BCL10: variants seen among roughly 807,000 people sequenced by gnomAD.
The protein encoded by BCL10 is BCL10 immune signaling adaptor, also known as B-cell lymphoma/leukemia 10.
Under a neutral mutation model 19.2 loss-of-function variants are expected in BCL10, and 5 were observed. The ratio of observed to expected loss-of-function variants is 0.26; its 90% confidence interval spans 0.14 to 0.55. The LOEUF (loss-of-function observed/expected upper bound fraction) is 0.55. BCL10 is among the 20% of genes least tolerant of loss of function. The pLI, the probability that BCL10 is intolerant of heterozygous loss-of-function variation, is 0.94. For synonymous variants in BCL10, 110 were observed against 98.8 expected (o/e 1.11, Z -0.67); for missense variants, 201 against 271.9 (o/e 0.74, Z 1.83).
chr1:85,267,950 C>G lies in BCL10; in HGVS notation c.379G>C (p.Asp127His). ...CTGGAGAGGTTGTTCGTGGCTCCAT[C>G]TGGAAAAGGTTCACAACTGCTACAT... Reference protein sequence around the residue: ...LKCSSCEPFPDGATNNLSRSN... With the variant: ...LKCSSCEPFPHGATNNLSRSN... The change falls in exon 3 of 3, where the codon GAT becomes CAT. Residue 127 changes from aspartate (D) to histidine (H), a missense_variant. Asp to His is a moderately conservative substitution (Grantham distance 81). Transcript: ENST00000648566. The G allele has an allele frequency of 6.3e-7, 1 of 1,596,160 alleles. No individual in the cohort carries two copies. Among genetic ancestry groups the G allele is most frequent in the Non-Finnish European group, 8.5e-7 (1 of 1,170,424 alleles).
chr1:85,268,107 T>A (rs1660255305), intron 2 of BCL10, 125 bp from the exon 3 acceptor site: 1 of 625,456 alleles, frequency 1.6e-6, no homozygotes, highest in Admixed American at 3.3e-5. Flanking sequence ...TAGCAACTTG[T>A]AATTTCCGTC....
At chr1:85,272,035 G>A (rs1387863139) in intron 1 of BCL10, among the ~76,000 whole-genome samples, 2 of 152,110 alleles carry the variant, frequency 1.3e-5, no homozygotes, top group African/African-American at 2.4e-5. Context: ...ATAAAACAAT[G>A]TGATCGGGCC....
In BCL10 at chr1:85,276,550, T is replaced by C. The variant is rs1660541310; in HGVS notation, c.-198A>G. 4.9e-6 allele frequency: 3 copies of C among 612,922 alleles called. No homozygotes were observed. The highest frequency in any genetic ancestry group is 3.7e-5 in the African/African-American group (2 of 53,902). 38.0% of individuals were successfully genotyped at this position (612,922 alleles called of 1,614,324 possible). On this transcript the variant is annotated 5_prime_UTR_variant, in exon 1 of 3. Transcript: ENST00000648566. Reference sequence around the variant, plus strand: ...AGCGCTTCCGGCCCCGCCTCTGAGGTCGACGGCGACGCGAATCTACGCGAC... The same window carrying C: ...AGCGCTTCCGGCCCCGCCTCTGAGGCCGACGGCGACGCGAATCTACGCGAC...
chr1:85,270,703 C>T lies in BCL10; in HGVS notation c.261G>A (p.Arg87=), dbSNP rs773109957. The T allele has an allele frequency of 1.9e-6, 3 of 1,613,598 alleles. No individual in the cohort carries two copies. The highest frequency in any genetic ancestry group is 2.2e-5 in the East Asian group (1 of 44,864). ...TCAGGAAGTTCTGTGTTTTTTCTCG[C>T]CGAATAGATTCAACAAGGGTGTCCA... ...KGLDTLVESI[R]REKTQNFLIQ... is the part of the protein sequence containing the mutation. Residue 87 remains arginine, a synonymous_variant, in exon 2 of 3, where the codon CGG becomes CGA. Transcript: ENST00000648566.
intron 1 of BCL10, among the ~76,000 whole-genome samples, chr1:85,273,344 T>C (rs547093961): frequency 2.0e-5 from 3 of 152,204 alleles, no homozygotes; most frequent in Non-Finnish European, 4.4e-5. Context: ...ACAAGAAAAT[T>C]GTTACATGAA....
In BCL10 at chr1:85,267,299, AC is replaced by A. The variant is rs1660227212; in HGVS notation, c.*327del. 1 of 248,686 alleles carries A rather than the reference AC, an allele frequency of 4.0e-6. No homozygotes were observed. Among genetic ancestry groups the A allele is most frequent in the East Asian group, 6.3e-5 (1 of 15,844 alleles). The allele number at this position is 248,686 out of a possible 1,614,324, so 15.4% of individuals were successfully genotyped here. A position where few individuals can be genotyped will look rare whatever the true frequency, so the allele number is the denominator to read the frequency against. On this transcript the variant is annotated 3_prime_UTR_variant, in exon 3 of 3. Coordinates refer to ENST00000648566, the MANE Select transcript of BCL10 (RefSeq NM_003921.5). ...CTAGCACAAATGCACTGAGGAAAAAACGTTCTTCCTAGTAAGGGTCTATTCT... is the reference window on the plus strand; with the variant it reads ...CTAGCACAAATGCACTGAGGAAAAAAGTTCTTCCTAGTAAGGGTCTATTCT...
At position 85,276,611 on chromosome 1, in the gene BCL10, C is replaced by T. The variant is rs965538840; in HGVS notation, c.-259G>A. The T allele has an allele frequency of 5.3e-6, 3 of 568,208 alleles. No homozygotes were observed. The highest frequency in any genetic ancestry group is 4.1e-5 in the South Asian group (2 of 49,246). The allele number at this position is 568,208 out of a possible 1,614,324, so 35.2% of individuals were successfully genotyped here. A position where few individuals can be genotyped will look rare whatever the true frequency, so the allele number is the denominator to read the frequency against. ...GCTCGGAGCAGCGTTCCTTCCCTCT[C>T]GTAGAGGCTCAGGCGCAGGCACCGC... On this transcript the variant is annotated 5_prime_UTR_variant, in exon 1 of 3. Coordinates refer to ENST00000648566, the MANE Select transcript of BCL10 (RefSeq NM_003921.5).
intron 1 of BCL10, among the ~76,000 whole-genome samples, chr1:85,272,059 T>C (rs1660381135): frequency 6.6e-6 from 1 of 152,020 alleles, no homozygotes. Context: ...AAAAAAAAGA[T>C]TATAGGTCAA....
chr1:85,266,262 T>G lies in BCL10; in HGVS notation c.*1365A>C, dbSNP rs531489192. 1.1e-4 allele frequency: 20 copies of G among 186,152 alleles called. No homozygotes were observed. The highest frequency in any genetic ancestry group is 3.7e-4 in the African/African-American group (16 of 42,850). 11.5% of individuals were successfully genotyped at this position (186,152 alleles called of 1,614,324 possible). On this transcript the variant is annotated 3_prime_UTR_variant, in exon 3 of 3. Transcript: ENST00000648566. ...ATAGCACTCACTACTTTAAAAAAAT[T>G]TTATTGTTGATAGCAAAATTTCCAT...
chr1:85,270,177 C>T (rs56380810), intron 2 of BCL10, among the ~76,000 whole-genome samples: 4,671 of 152,322 alleles, frequency 0.031, 185 homozygotes, highest in African/African-American at 0.095. Flanking sequence ...AGATATTCCA[C>T]TTTTTCAATG....
chr1:85,276,606 C>T lies in BCL10; in HGVS notation c.-254G>A, dbSNP rs556888861. 3.5e-6 allele frequency: 2 copies of T among 577,294 alleles called. No individual in the cohort carries two copies. The highest frequency in any genetic ancestry group is 1.9e-5 in the African/African-American group (1 of 53,362). 35.8% of individuals were successfully genotyped at this position (577,294 alleles called of 1,614,324 possible). ...GCGGAGCTCGGAGCAGCGTTCCTTCCCTCTCGTAGAGGCTCAGGCGCAGGC... is the reference window on the plus strand; with the variant it reads ...GCGGAGCTCGGAGCAGCGTTCCTTCTCTCTCGTAGAGGCTCAGGCGCAGGC... On this transcript the variant is annotated 5_prime_UTR_variant, in exon 1 of 3. Transcript: ENST00000648566.
Position 85,276,444 on chromosome 1 carries a change from G to T in BCL10, c.-92C>A. 7.0e-7 allele frequency: 1 copy of T among 1,434,062 alleles called. No homozygotes were observed. The highest frequency in any genetic ancestry group is 9.8e-7 in the Non-Finnish European group (1 of 1,022,964). The allele number at this position is 1,434,062 out of a possible 1,614,324, so 88.8% of individuals were successfully genotyped here. On this transcript the variant is annotated 5_prime_UTR_variant, in exon 1 of 3. Coordinates refer to ENST00000648566, the MANE Select transcript of BCL10 (RefSeq NM_003921.5). ...GGGGGCTTCGGCCTCCGGGTAATGG[G>T]GAAGAAGGAGAGGAGGCGGAGCGGG...
intron 1 of BCL10, among the ~76,000 whole-genome samples, chr1:85,274,034 C>G (rs1198646710): frequency 6.6e-6 from 1 of 152,200 alleles, no homozygotes; most frequent in Non-Finnish European, 1.5e-5. Context: ...TTGACAAATT[C>G]TATTCTGCCC....
At chr1:85,269,445 A>T (rs556879001) in intron 2 of BCL10, among the ~76,000 whole-genome samples, 1 of 152,338 alleles carries the variant, frequency 6.6e-6, no homozygotes, top group East Asian at 1.9e-4. Flanking sequence ...TTTTTAGGCA[A>T]AACCTGCATA....
chr1:85,276,440 A>G lies in BCL10; in HGVS notation c.-88T>C. The G allele has an allele frequency of 6.8e-7, 1 of 1,466,382 alleles. No individual in the cohort carries two copies. Among genetic ancestry groups the G allele is most frequent in the East Asian group, 2.3e-5 (1 of 43,964 alleles). The allele number at this position is 1,466,382 out of a possible 1,614,324, so 90.8% of individuals were successfully genotyped here. ...GGCTGGGGGCTTCGGCCTCCGGGTA[A>G]TGGGGAAGAAGGAGAGGAGGCGGAG... On this transcript the variant is annotated 5_prime_UTR_variant, in exon 1 of 3. Transcript: ENST00000648566.
Position 85,267,710 on chromosome 1 carries a change from G to C in BCL10, c.619C>G (p.Leu207Val). The C allele has an allele frequency of 1.9e-6, 3 of 1,614,218 alleles. No individual in the cohort carries two copies. The highest frequency in any genetic ancestry group is 2.5e-6 in the Non-Finnish European group (3 of 1,180,014). ...CAAGTTCCTTCTTCTTCTAACTGTA[G>C]ATCTGGTGGCAAAGGAGGAGCCCCT... ...DPGAPPLPPD[L>V]QLEEEGTCAN... The change falls in exon 3 of 3, where the codon CTA becomes GTA. Residue 207 changes from leucine (L) to valine (V), a missense_variant. Leu to Val is a conservative substitution (Grantham distance 32, BLOSUM62 1). Around this residue, in one of 3 missense-constraint regions of BCL10, gnomAD observed 126 missense variants for 136.6 expected, o/e 0.92. Coordinates refer to ENST00000648566, the MANE Select transcript of BCL10 (RefSeq NM_003921.5).
chr1:85,268,753 A>T (rs1471057312), intron 2 of BCL10, among the ~76,000 whole-genome samples: 1 of 146,594 alleles, frequency 6.8e-6, no homozygotes, highest in East Asian at 2.0e-4. Flanking sequence ...GGGTGACAAG[A>T]GCAAGACTCC....
Position 85,267,495 on chromosome 1 carries a change from T to A in BCL10, c.*132A>T. The stretch of plus-strand genomic sequence containing the variant: ...CTTTTTTAATTCTAAAAATCCTATT[T>A]ACAAAGTATGCTTACATTGCATTTT... On this transcript the variant is annotated 3_prime_UTR_variant, in exon 3 of 3. Coordinates refer to ENST00000648566, the MANE Select transcript of BCL10 (RefSeq NM_003921.5). The A allele has an allele frequency of 1.4e-6, 1 of 714,194 alleles. No individual in the cohort carries two copies. The highest frequency in any genetic ancestry group is 2.2e-6 in the Non-Finnish European group (1 of 457,078). The allele number at this position is 714,194 out of a possible 1,614,324, so 44.2% of individuals were successfully genotyped here.
Position 85,266,876 on chromosome 1 carries a change from C to CAAAAAAAAAAAAAAAAAAAAAAAAAAAA in BCL10, c.*750_*751insTTTTTTTTTTTTTTTTTTTTTTTTTTTT, listed in dbSNP as rs71650007. On this transcript the variant is annotated 3_prime_UTR_variant, in exon 3 of 3. Transcript: ENST00000648566. ...CCTGGGCGATAGAGCAAGACTGTCT[C>CAAAAAAAAAAAAAAAAAAAAAAAAAAAA]AAAAAAAAAAAAAAAAAAAAAAGAA... is the stretch of plus-strand genomic sequence containing the variant. The CAAAAAAAAAAAAAAAAAAAAAAAAAAAA allele has an allele frequency of 1.1e-5, 1 of 88,080 alleles. No homozygotes were observed. The highest frequency in any genetic ancestry group is 2.1e-5 in the Non-Finnish European group (1 of 47,556). The allele number at this position is 88,080 out of a possible 1,614,324, so 5.5% of individuals were successfully genotyped here. A position where few individuals can be genotyped will look rare whatever the true frequency, so the allele number is the denominator to read the frequency against.
Sources: allele counts gnomAD v4.1 joint callset (sites outside exome capture counted in the v4.1 genomes callset), GRCh38; gene constraint gnomAD v4.1.1; regional missense constraint gnomAD v4.1.1; transcripts MANE v1.5; gene names NCBI Gene and HGNC (gene_info 2026-07-23, HGNC 2026-07-21).